Variants in KEAP1 observed in about 807,000 individuals in gnomAD.
KEAP1 encodes kelch-like ECH-associated protein 1.
A neutral mutation model predicts 59.7 loss-of-function variants in KEAP1; 26 were observed. That is an observed-to-expected ratio of 0.44 (90% CI 0.32 to 0.60). The LOEUF (loss-of-function observed/expected upper bound fraction) is 0.60. Among genes scored for constraint, KEAP1 ranks in the 20% least tolerant of loss-of-function variants. The probability of loss-of-function intolerance (pLI) is 0.06; values close to 1 mark genes in which losing one functional copy is unlikely to be tolerated. For missense variants in KEAP1, 539 were observed against 871.4 expected (o/e 0.62, Z 4.80); for synonymous variants, 350 against 358.3 (o/e 0.98, Z 0.26).
chr19:10,495,908 G>T (rs1294363854), intron 2 of KEAP1, among the ~76,000 whole-genome samples: 1 of 152,148 alleles, frequency 6.6e-6, no homozygotes, highest in Non-Finnish European at 1.5e-5. Flanking sequence ...CTTGTAGCCA[G>T]GTGTGGTGGC....
In KEAP1 at chr19:10,499,240, C is replaced by A. The variant is rs996161871; in HGVS notation, c.639+155G>T. Among the ~76,000 whole-genome samples, 1 of 152,166 alleles carries A rather than the reference C, an allele frequency of 6.6e-6. No individual in the cohort carries two copies. The highest frequency in any genetic ancestry group is 2.1e-4 in the South Asian group (1 of 4,822). On this transcript the variant is annotated intron_variant, in intron 2 of 5. Coordinates refer to ENST00000171111, the MANE Select transcript of KEAP1 (RefSeq NM_203500.2). This position sits in a 1 kb window ranked among gnomAD's most constrained non-coding sequence, Gnocchi z 6.7. ...CCTGAAGCAATCCCCCCGCCTCAGC[C>A]CCTCAAACTGTGGAGACTACACCAC... is the stretch of plus-strand genomic sequence containing the variant.
chr19:10,500,142 CCTCGTTTTGCA>C (rs1157961612), intron 1 of KEAP1, 62 bp from the exon 2 acceptor site: 1 of 1,219,466 alleles, frequency 8.2e-7, no homozygotes, highest in African/African-American at 1.5e-5. Flanking sequence ...ACCTGCCGGG[CCTCGTTTTGCA>C]AGATAAAGCA....
intron 5 of KEAP1, among the ~76,000 whole-genome samples, chr19:10,487,417 G>C (rs992414741): frequency 6.6e-6 from 1 of 152,172 alleles, no homozygotes; most frequent in Non-Finnish European, 1.5e-5. Context: ...AGCACTTTGG[G>C]AGGCCGAGGC....
At chr19:10,489,938 C>T (rs1399920864) in intron 3 of KEAP1, 85 bp from the exon 4 acceptor site, 3 of 1,325,828 alleles carry the variant, frequency 2.3e-6, no homozygotes, top group Non-Finnish European at 3.1e-6. Context: ...TCTTTTTTTT[C>T]CTTTTTTTTT....
At position 10,499,130 on chromosome 19, in the gene KEAP1, C is replaced by T. The variant is rs763820140; in HGVS notation, c.639+265G>A. ...GATTACAGGCATGAGCCACCACGCC[C>T]GGCCCCAGTTGTTTTTTGTTTGTGT... On this transcript the variant is annotated intron_variant, in intron 2 of 5. Transcript: ENST00000171111. This position sits in a 1 kb window ranked among gnomAD's most constrained non-coding sequence, Gnocchi z 6.7. 6.6e-6 allele frequency among the ~76,000 whole-genome samples: 1 copy of T among 152,098 alleles called. No homozygotes were observed. The highest frequency in any genetic ancestry group is 1.5e-5 in the Non-Finnish European group (1 of 68,034).
chr19:10,490,171 G>C (rs1192137321), intron 3 of KEAP1, among the ~76,000 whole-genome samples: 1 of 151,302 alleles, frequency 6.6e-6, no homozygotes, highest in African/African-American at 2.4e-5. Flanking sequence ...ATAATCACTT[G>C]AACCTGGGAG....
In KEAP1 at chr19:10,502,350, C is replaced by A. The variant is rs1001437812; in HGVS notation, c.-48+891G>T. The A allele has an allele frequency of 2.0e-5, 3 of 152,362 alleles. No individual in the cohort carries two copies. The highest frequency in any genetic ancestry group is 7.2e-5 in the African/African-American group (3 of 41,460). 9.4% of individuals were successfully genotyped at this position (152,362 alleles called of 1,614,324 possible). On this transcript the variant is annotated intron_variant, in intron 1 of 5. Transcript: ENST00000171111. The surrounding 1 kb of genome is among the most constrained non-coding windows in gnomAD (Gnocchi z 4.0). ...GGCGACTGCGCATGCCCCTCCTGAG[C>A]CTCCACCAGGCCCAGTGAGGCGAGG... is the stretch of plus-strand genomic sequence containing the variant.
chr19:10,499,392 C>T lies in KEAP1; in HGVS notation c.639+3G>A, dbSNP rs923765754. 4 of 1,585,506 alleles carry T rather than the reference C, an allele frequency of 2.5e-6. No individual in the cohort carries two copies. The highest frequency in any genetic ancestry group is 1.1e-5 in the South Asian group (1 of 88,396). ...CTGCCCCCAGCCCCACTTCCCCGCTCACCTCCCCAAAATGCATGTAGATGT... is the reference window on the plus strand; with the variant it reads ...CTGCCCCCAGCCCCACTTCCCCGCTTACCTCCCCAAAATGCATGTAGATGT... On this transcript the variant is annotated splice_donor_region_variant and intron_variant, in intron 2 of 5. Transcript: ENST00000171111. The surrounding 1 kb of genome is among the most constrained non-coding windows in gnomAD (Gnocchi z 6.7).
chr19:10,502,683 C>G lies in KEAP1; in HGVS notation c.-48+558G>C, dbSNP rs1221889447. On this transcript the variant is annotated intron_variant, in intron 1 of 5. Transcript: ENST00000171111. This position sits in a 1 kb window ranked among gnomAD's most constrained non-coding sequence, Gnocchi z 4.0. ...CGCGATGCCCGCAGCCCGGGCACAT[C>G]CCGCCTCACTCACCCCGCCATGGCC... 2.0e-5 allele frequency: 3 copies of G among 152,126 alleles called. No homozygotes were observed. The highest frequency in any genetic ancestry group is 7.2e-5 in the African/African-American group (3 of 41,440). The allele number at this position is 152,126 out of a possible 1,614,324, so 9.4% of individuals were successfully genotyped here.
intron 2 of KEAP1, among the ~76,000 whole-genome samples, chr19:10,497,338 T>A (rs946149007): frequency 6.6e-6 from 1 of 152,026 alleles, no homozygotes; most frequent in African/African-American, 2.4e-5. Context: ...AAAGAATCTA[T>A]CCCTGAAGGA....
At chr19:10,489,929 C>CT (rs1212329383) in intron 3 of KEAP1, 76 bp from the exon 4 acceptor site, 57 of 1,306,220 alleles carry the variant, frequency 4.4e-5, no homozygotes, top group Admixed American at 6.9e-5. Context: ...GCCAGATACT[C>CT]TTTTTTTTCC....
intron 2 of KEAP1, among the ~76,000 whole-genome samples, chr19:10,496,270 C>A (rs1034220488): frequency 6.6e-6 from 1 of 150,862 alleles, no homozygotes; most frequent in African/African-American, 2.4e-5. Flanking sequence ...CCAAGTCGGG[C>A]GGATCACTTG....
chr19:10,486,530 TG>T lies in KEAP1; in HGVS notation c.*121del. 1 of 990,798 alleles carries T rather than the reference TG, an allele frequency of 1.0e-6. No individual in the cohort carries two copies. Among genetic ancestry groups the T allele is most frequent in the Non-Finnish European group, 1.5e-6 (1 of 654,030 alleles). 61.4% of individuals were successfully genotyped at this position (990,798 alleles called of 1,614,324 possible). A position where few individuals can be genotyped will look rare whatever the true frequency, so the allele number is the denominator to read the frequency against. On this transcript the variant is annotated 3_prime_UTR_variant, in exon 6 of 6. Coordinates refer to ENST00000171111, the MANE Select transcript of KEAP1 (RefSeq NM_203500.2). ...ATGTCATTTTAACACTGAGGCATCC[TG>T]GCCTCCCTTCCCGGAAGATGGGTTA...
intron 3 of KEAP1, 125 bp from the exon 4 acceptor site, chr19:10,489,978 G>T: frequency 1.1e-6 from 1 of 930,560 alleles, no homozygotes. Context: ...TTCATCCGGC[G>T]CGATGGCTCA....
chr19:10,495,026 G>A (rs754825993), intron 2 of KEAP1, among the ~76,000 whole-genome samples: 1 of 150,980 alleles, frequency 6.6e-6, no homozygotes, highest in Non-Finnish European at 1.5e-5. Context: ...GCGTGATCTC[G>A]GCTCACTGCA....
intron 2 of KEAP1, among the ~76,000 whole-genome samples, chr19:10,496,131 A>T (rs1914837933): frequency 6.7e-6 from 1 of 149,076 alleles, no homozygotes; most frequent in African/African-American, 2.5e-5. Context: ...GGAGTTTGTG[A>T]TAAGCAGAGA....
In KEAP1 at chr19:10,489,211, C is replaced by T. The variant is rs571538682; in HGVS notation, c.1689G>A (p.Gln563=). Residue 563 remains glutamine, a synonymous_variant, in exon 5 of 6, where the codon CAG becomes CAA. Transcript: ENST00000171111. The part of the protein sequence containing the change: ...RRSALGITVH[Q]GRIYVLGGYD... ...CCTCACCAAGGACGTAGATTCTCCC[C>T]TGGTGGACAGTGATCCCCAGGGCAC... 2.9e-5 allele frequency: 47 copies of T among 1,612,248 alleles called. No homozygotes were observed. The South Asian group carries it at 4.6e-4, about 16-fold the overall frequency.
rs531646128 is a variant in KEAP1, at chr19:10,502,741, C to G, written c.-48+500G>C. The G allele has an allele frequency of 3.7e-3, 556 of 152,182 alleles. 5 individuals are homozygous for G. Among genetic ancestry groups the G allele is most frequent in the African/African-American group, 0.013 (534 of 41,542 alleles). 9.4% of individuals were successfully genotyped at this position (152,182 alleles called of 1,614,324 possible). A position where few individuals can be genotyped will look rare whatever the true frequency, so the allele number is the denominator to read the frequency against. ...GGCTCCGCCTCCACCGCCCGAGCCC[C>G]GGCGCCTCCATCGCTGCGCGTGGGG... On this transcript the variant is annotated intron_variant, in intron 1 of 5. Transcript: ENST00000171111. The surrounding 1 kb of genome is among the most constrained non-coding windows in gnomAD (Gnocchi z 4.0).
chr19:10,489,786 C>T lies in KEAP1; in HGVS notation c.1393G>A (p.Val465Met), dbSNP rs1468842259. Residue 465 changes from valine to methionine, a missense_variant, in exon 4 of 6, where the codon GTG becomes ATG. Val to Met is a conservative substitution (Grantham distance 21). Around this residue, in one of 4 missense-constraint regions of KEAP1, gnomAD observed 311 missense variants for 425.2 expected, o/e 0.73. Coordinates refer to ENST00000171111, the MANE Select transcript of KEAP1 (RefSeq NM_203500.2). ...TAAAGGAGACGATTGAGGACAGCCACGCCCACCCCGATCCTTCGTGTCAGC... is the reference window on the plus strand; with the variant it reads ...TAAAGGAGACGATTGAGGACAGCCATGCCCACCCCGATCCTTCGTGTCAGC... ...PMLTRRIGVG[V>M]AVLNRLLYAV... 3 of 1,614,104 alleles carry T rather than the reference C, an allele frequency of 1.9e-6. No homozygotes were observed. The highest frequency in any genetic ancestry group is 2.5e-6 in the Non-Finnish European group (3 of 1,180,036).
Sources: gnomAD v4.1 joint callset for allele counts (sites outside exome capture counted in the v4.1 genomes callset) on GRCh38, gnomAD v4.1.1 for gene constraint, gnomAD v4.1.1 regional missense constraint, Gnocchi (gnomAD v3.1) non-coding constraint, MANE v1.5 for transcripts, NCBI Gene and HGNC (gene_info 2026-07-23, HGNC 2026-07-21) for gene names.